ALDH1L1: variants seen among roughly 807,000 people sequenced by gnomAD.
ALDH1L1 encodes the protein cytosolic 10-formyltetrahydrofolate dehydrogenase.
Under a neutral mutation model 101.1 loss-of-function variants are expected in ALDH1L1, and 68 were observed. That is an observed-to-expected ratio of 0.67 (90% CI 0.55 to 0.82). ALDH1L1 has a LOEUF of 0.82. Ranked by LOEUF, ALDH1L1 falls within the 40% of genes least tolerant of loss-of-function variation. The probability of loss-of-function intolerance (pLI) is 0.00; values close to 1 mark genes in which losing one functional copy is unlikely to be tolerated. For synonymous variants in ALDH1L1, 486 were observed against 470.8 expected, an observed-to-expected ratio of 1.03 and a Z score of -0.42; for missense variants, 1,087 against 1,172.7, an observed-to-expected ratio of 0.93 and a Z score of 1.07.
At chr3:126,140,213 C>T (rs2080541697) in intron 9 of ALDH1L1, among the ~76,000 whole-genome samples, 1 of 152,150 alleles carries the variant, frequency 6.6e-6, no homozygotes, top group Non-Finnish European at 1.5e-5. Flanking sequence ...TAAAAGCTGA[C>T]TTCCACTAAA....
intron 7 of ALDH1L1, chr3:126,153,134 T>A: frequency 2.4e-6 from 1 of 424,204 alleles, no homozygotes. Flanking sequence ...CCAGGCTCCC[T>A]GGGAGGGCTT....
intron 14 of ALDH1L1, among the ~76,000 whole-genome samples, chr3:126,127,745 C>T (rs993336390): frequency 1.3e-4 from 20 of 152,170 alleles, no homozygotes; most frequent in Non-Finnish European, 2.6e-4. Context: ...CCTCTGGCAC[C>T]GCGTGCAGGC....
intron 5 of ALDH1L1, 131 bp from the exon 6 acceptor site, chr3:126,154,774 G>C (rs1406126884): frequency 2.7e-6 from 2 of 747,670 alleles, no homozygotes; most frequent in East Asian, 2.7e-5. Flanking sequence ...ACACTTGCAG[G>C]AGTCCCTGAG....
At position 126,153,299 on chromosome 3, in the gene ALDH1L1, G is replaced by A. The variant is rs1214797617; in HGVS notation, c.858+145C>T. Reference sequence around the variant, plus strand: ...GCTCAGGACCAGCCGGGTGGTCAGGGACAAATCAGGGTCAGTGTTCCTTCC... The same window carrying A: ...GCTCAGGACCAGCCGGGTGGTCAGGAACAAATCAGGGTCAGTGTTCCTTCC... On this transcript the variant is annotated intron_variant, in intron 7 of 22. Transcript: ENST00000393434. 16 of 1,298,828 alleles carry A rather than the reference G, an allele frequency of 1.2e-5. No homozygotes were observed. The African/African-American group carries it at 1.9e-4, about 15-fold the overall frequency. The allele number at this position is 1,298,828 out of a possible 1,614,324, so 80.5% of individuals were successfully genotyped here.
chr3:126,108,995 A>G (rs10804574), intron 20 of ALDH1L1, among the ~76,000 whole-genome samples: 151,902 of 152,338 alleles, frequency 1, 75,743 homozygotes, highest in Middle Eastern at 1. Flanking sequence ...CTGCTGTGAC[A>G]CTGAGCGAGG....
intron 8 of ALDH1L1, among the ~76,000 whole-genome samples, 189 bp from the exon 9 acceptor site, chr3:126,147,115 G>T (rs557171607): frequency 1.3e-5 from 2 of 152,298 alleles, no homozygotes; most frequent in East Asian, 3.9e-4. Context: ...TGGGAAAGAA[G>T]GAGCTGCCAC....
At chr3:126,120,867 G>T (rs1347220143) in intron 16 of ALDH1L1, among the ~76,000 whole-genome samples, 1 of 151,916 alleles carries the variant, frequency 6.6e-6, no homozygotes, top group Admixed American at 6.5e-5. Context: ...ATCAGACCAC[G>T]AAAATTCTCC....
intron 11 of ALDH1L1, among the ~76,000 whole-genome samples, chr3:126,136,336 A>T (rs2080444273): frequency 6.6e-6 from 1 of 152,210 alleles, no homozygotes; most frequent in African/African-American, 2.4e-5. Context: ...GCTTTGGCTC[A>T]TGATGCCACA....
intron 16 of ALDH1L1, among the ~76,000 whole-genome samples, chr3:126,118,437 T>G (rs923190439): frequency 6.6e-6 from 1 of 152,064 alleles, no homozygotes; most frequent in Non-Finnish European, 1.5e-5. Flanking sequence ...AAGAGGAGAT[T>G]TGGGCAATGA....
chr3:126,129,276 A>G lies in ALDH1L1; in HGVS notation c.1694+947T>C, dbSNP rs79021251. 2.0e-5 allele frequency: 3 copies of G among 152,368 alleles called. No individual in the cohort carries two copies. The East Asian group carries it at 5.8e-4, about 29-fold the overall frequency. The allele number at this position is 152,368 out of a possible 1,614,324, so 9.4% of individuals were successfully genotyped here. On this transcript the variant is annotated intron_variant, in intron 14 of 22. Coordinates refer to ENST00000393434, the MANE Select transcript of ALDH1L1 (RefSeq NM_012190.4). Reference sequence around the variant, plus strand: ...CATGAGCTGTCAGTGACACAGGGACATTGGAGCACGTTCTCCTTGCAAATA... The same window carrying G: ...CATGAGCTGTCAGTGACACAGGGACGTTGGAGCACGTTCTCCTTGCAAATA...
At chr3:126,158,915 C>T (rs1440904345) in intron 2 of ALDH1L1, among the ~76,000 whole-genome samples, 1 of 152,152 alleles carries the variant, frequency 6.6e-6, no homozygotes, top group Non-Finnish European at 1.5e-5. Flanking sequence ...GCCCTCATTC[C>T]TCTCCTGAGG....
chr3:126,110,695 C>T (rs1221430555), intron 19 of ALDH1L1, among the ~76,000 whole-genome samples: 2 of 152,102 alleles, frequency 1.3e-5, no homozygotes, highest in Non-Finnish European at 1.5e-5. Flanking sequence ...CTCGAGCACC[C>T]GGCACACCCC....
chr3:126,114,668 A>G lies in ALDH1L1; in HGVS notation c.1983-12T>C, dbSNP rs1238903944. On this transcript the variant is annotated splice_polypyrimidine_tract_variant and intron_variant, in intron 17 of 22. Coordinates refer to ENST00000393434, the MANE Select transcript of ALDH1L1 (RefSeq NM_012190.4). ...TACTTATGGCACAGCTGCAAGGAAC[A>G]GAGGGCTGGTGGGGCCGGTCCCTCC... The G allele has an allele frequency of 6.5e-7, 1 of 1,544,032 alleles. No individual in the cohort carries two copies. Among genetic ancestry groups the G allele is most frequent in the African/African-American group, 1.4e-5 (1 of 73,008 alleles).
rs1473600094 is a variant in ALDH1L1 at position 126,157,519 on chromosome 3, G to A, written c.363-11C>T. Reference sequence around the variant, plus strand: ...CCGTGAATGAGGGTCCTAGGAAGCAGAAGAGTGAAACCTGGAGTCCACGAT... The same window carrying A: ...CCGTGAATGAGGGTCCTAGGAAGCAAAAGAGTGAAACCTGGAGTCCACGAT... On this transcript the variant is annotated splice_polypyrimidine_tract_variant and intron_variant, in intron 3 of 22. Transcript: ENST00000393434. 4 of 1,612,410 alleles carry A rather than the reference G, an allele frequency of 2.5e-6. No individual in the cohort carries two copies. Among genetic ancestry groups the A allele is most frequent in the Admixed American group, 1.7e-5 (1 of 59,916 alleles).
In ALDH1L1 at chr3:126,136,697, T is replaced by C. The variant is rs567667969; in HGVS notation, c.1344+67A>G. On this transcript the variant is annotated intron_variant, in intron 11 of 22. Transcript: ENST00000393434. The stretch of plus-strand genomic sequence containing the variant: ...CAGGGTCAGGACCCCCAGAGGCCAG[T>C]GGGGGCAGGGAAGGAAGGACAGGGA... 9 of 1,545,122 alleles carry C rather than the reference T, an allele frequency of 5.8e-6. No homozygotes were observed. The South Asian group carries it at 1.1e-4, about 19-fold the overall frequency.
At chr3:126,121,177 A>G (rs946895371) in intron 16 of ALDH1L1, among the ~76,000 whole-genome samples, 2 of 152,196 alleles carry the variant, frequency 1.3e-5, no homozygotes, top group African/African-American at 2.4e-5. Flanking sequence ...AGCTAGGAGG[A>G]GGCAAAGAAT....
chr3:126,180,869 C>G (rs752308060), upstream of ALDH1L1: 685 of 1,567,834 alleles, frequency 4.4e-4, 1 homozygote, highest in Non-Finnish European at 5.5e-4. Context: ...CAGTTCTGAG[C>G]GCTGGCAAGG....
At chr3:126,128,915 G>A (rs1410835361) in intron 14 of ALDH1L1, 1 of 146,046 alleles carries the variant, frequency 6.8e-6, no homozygotes, top group African/African-American at 2.6e-5. Flanking sequence ...GGCCCCAGGT[G>A]GGCCACGACC....
At chr3:126,136,699 G>A in intron 11 of ALDH1L1, 65 bp downstream of exon 11, 3 of 1,546,968 alleles carry the variant, frequency 1.9e-6, no homozygotes, top group Non-Finnish European at 2.6e-6. Flanking sequence ...GAGGCCAGTG[G>A]GGGCAGGGAA....
Sources: gnomAD v4.1 joint callset for allele counts (sites outside exome capture counted in the v4.1 genomes callset) on GRCh38, gnomAD v4.1.1 for gene constraint, MANE v1.5 for transcripts, NCBI Gene and HGNC (gene_info 2026-07-23, HGNC 2026-07-21) for gene names.